EXOG: variants seen among roughly 807,000 people sequenced by gnomAD.
The protein encoded by EXOG is exo/endonuclease G, also known as nuclease EXOG, mitochondrial.
Under a neutral mutation model 25.8 loss-of-function variants are expected in EXOG, and 27 were observed. That is an observed-to-expected ratio of 1.05 (90% CI 0.77 to 1.45). The LOEUF (loss-of-function observed/expected upper bound fraction) is 1.45, where lower values mean the gene tolerates loss of function less well. EXOG is among the 40% of genes most tolerant of loss of function. The pLI is 0.00. For missense variants in EXOG, 458 were observed against 450.5 expected, an observed-to-expected ratio of 1.02 and a Z score of -0.15; for synonymous variants, 133 against 167.0, an observed-to-expected ratio of 0.80 and a Z score of 1.57.
chr3:38,503,865 C>T (rs1314162889), intron 4 of EXOG, among the ~76,000 whole-genome samples, 174 bp downstream of exon 4: 1 of 152,162 alleles, frequency 6.6e-6, no homozygotes, highest in Non-Finnish European at 1.5e-5. Flanking sequence ...CAGCCTTCTA[C>T]AGAAGATCAG....
intron 3 of EXOG, among the ~76,000 whole-genome samples, chr3:38,502,122 C>T (rs1013623586): frequency 3.9e-5 from 6 of 152,028 alleles, no homozygotes; most frequent in African/African-American, 1.2e-4. Context: ...GGTTTCACCA[C>T]GTTGGCCAGG....
chr3:38,496,675 C>T, intron 1 of EXOG, 145 bp downstream of exon 1: 1 of 1,444,260 alleles, frequency 6.9e-7, no homozygotes, highest in Non-Finnish European at 9.1e-7. Flanking sequence ...CCTTTATTCT[C>T]CCGGCTCGGC....
At chr3:38,502,697 C>T (rs964732952) in intron 3 of EXOG, among the ~76,000 whole-genome samples, 1 of 152,088 alleles carries the variant, frequency 6.6e-6, no homozygotes, top group Non-Finnish European at 1.5e-5. Flanking sequence ...TCAGCTTTCC[C>T]ACATGGTCCT....
At position 38,526,104 on chromosome 3, in the gene EXOG, TTGA is replaced by T. The variant is rs1267914567; in HGVS notation, c.*1744_*1746del. 9 of 985,304 alleles carry T rather than the reference TTGA, an allele frequency of 9.1e-6. No homozygotes were observed. Among genetic ancestry groups the T allele is most frequent in the Non-Finnish European group, 1.1e-5 (9 of 829,928 alleles). The allele number at this position is 985,304 out of a possible 1,614,324, so 61.0% of individuals were successfully genotyped here. A position where few individuals can be genotyped will look rare whatever the true frequency, so the allele number is the denominator to read the frequency against. ...TGGCTGTTTTTCTGAGCCAGATCTC[TTGA>T]TTTGGGTTTACACGGAGTCCTTTCA... On this transcript the variant is annotated 3_prime_UTR_variant, in exon 6 of 6. Coordinates refer to ENST00000287675, the MANE Select transcript of EXOG (RefSeq NM_005107.4).
chr3:38,497,591 G>C (rs2059929241), intron 1 of EXOG, 38 bp from the exon 2 acceptor site: 10 of 1,513,142 alleles, frequency 6.6e-6, no homozygotes, highest in Non-Finnish European at 8.7e-6. Context: ...TGTTTTTTTT[G>C]TCTCTGCCCC....
chr3:38,507,310 G>A (rs1159690681), intron 5 of EXOG, among the ~76,000 whole-genome samples: 5 of 152,214 alleles, frequency 3.3e-5, no homozygotes, highest in Non-Finnish European at 7.3e-5. Context: ...TATGAGTCAG[G>A]AACGCTTAAA....
At chr3:38,506,583 T>G (rs574874386) in intron 4 of EXOG, among the ~76,000 whole-genome samples, 4 of 152,346 alleles carry the variant, frequency 2.6e-5, no homozygotes, top group African/African-American at 9.6e-5. Context: ...AGTTTTAAGT[T>G]CATGAAATTT....
At chr3:38,497,844 G>T in intron 2 of EXOG, 66 bp downstream of exon 2, 1 of 1,527,398 alleles carries the variant, frequency 6.5e-7, no homozygotes, top group Non-Finnish European at 8.8e-7. Flanking sequence ...ATTTAAAACA[G>T]GGATGATTAT....
Position 38,525,908 on chromosome 3 carries a change from G to A in EXOG, c.*1546G>A. On this transcript the variant is annotated 3_prime_UTR_variant, in exon 6 of 6. Transcript: ENST00000287675. ...GCGATGGGACATGGTCATGCCACTG[G>A]ACGCCAGCCTGGGCCACAGAGGGAG... 1.1e-6 allele frequency: 1 copy of A among 887,032 alleles called. No individual in the cohort carries two copies. Among genetic ancestry groups the A allele is most frequent in the Non-Finnish European group, 1.4e-6 (1 of 740,316 alleles). 54.9% of individuals were successfully genotyped at this position (887,032 alleles called of 1,614,324 possible).
chr3:38,524,477 A>T lies in EXOG; in HGVS notation c.*115A>T. Reference sequence around the variant, plus strand: ...TTTAAAAAGTTTTTCTCTTTAAGAGATGTGGTCTCGCCGTGTCATCCAGGC... The same window carrying T: ...TTTAAAAAGTTTTTCTCTTTAAGAGTTGTGGTCTCGCCGTGTCATCCAGGC... On this transcript the variant is annotated 3_prime_UTR_variant, in exon 6 of 6. Coordinates refer to ENST00000287675, the MANE Select transcript of EXOG (RefSeq NM_005107.4). 1 of 1,433,410 alleles carries T rather than the reference A, an allele frequency of 7.0e-7. No homozygotes were observed. The highest frequency in any genetic ancestry group is 1.5e-5 in the South Asian group (1 of 65,424). 88.8% of individuals were successfully genotyped at this position (1,433,410 alleles called of 1,614,324 possible). A position where few individuals can be genotyped will look rare whatever the true frequency, so the allele number is the denominator to read the frequency against.
intron 5 of EXOG, chr3:38,523,266 T>G: frequency 7.8e-7 from 1 of 1,288,336 alleles, no homozygotes; most frequent in South Asian, 1.2e-5. Context: ...ACAGCTTTTC[T>G]TGTCTATTAA....
At chr3:38,501,595 A>G in intron 3 of EXOG, 101 bp downstream of exon 3, 1 of 969,832 alleles carries the variant, frequency 1.0e-6, no homozygotes, top group Non-Finnish European at 1.6e-6. Context: ...TTAAAACTTG[A>G]GAATTTCCAT....
intron 2 of EXOG, chr3:38,498,779 G>A (rs1373664581): frequency 2.7e-6 from 1 of 367,934 alleles, no homozygotes; most frequent in African/African-American, 2.1e-5. Context: ...AACTAAAAGA[G>A]TGCCAGTAGA....
chr3:38,497,389 A>G lies in EXOG; in HGVS notation c.164-240A>G, dbSNP rs181178107. 147 of 1,264,542 alleles carry G rather than the reference A, an allele frequency of 1.2e-4. 1 individual carries two copies. In the African/African-American group the frequency reaches 1.8e-3, roughly 16 times the overall value. The allele number at this position is 1,264,542 out of a possible 1,614,324, so 78.3% of individuals were successfully genotyped here. On this transcript the variant is annotated intron_variant, in intron 1 of 5. Transcript: ENST00000287675. The stretch of plus-strand genomic sequence containing the variant: ...CAAGTCTTTATTCAAAAGTTAATGC[A>G]GTAGCTGCATTTTATTCACTGATTA...
intron 2 of EXOG, chr3:38,500,148 AG>A (rs1012999925): frequency 6.4e-6 from 1 of 156,940 alleles, no homozygotes; most frequent in African/African-American, 2.4e-5. Context: ...GAAGATAAAA[AG>A]TTTGTTCCAG....
chr3:38,496,466 C>T lies in EXOG; in HGVS notation c.99C>T (p.Leu33=), dbSNP rs138441261. 3.1e-6 allele frequency: 5 copies of T among 1,613,992 alleles called. No individual in the cohort carries two copies. The highest frequency in any genetic ancestry group is 2.7e-5 in the African/African-American group (2 of 75,058). Residue 33 remains leucine, a synonymous_variant, in exon 1 of 6, where the codon CTC becomes CTT. Transcript: ENST00000287675. ...GAVVGAAGAG[L]AALQFFRSQG... The stretch of plus-strand genomic sequence containing the variant: ...TAGTGGGCGCTGCGGGAGCTGGGCT[C>T]GCGGCCCTGCAGTTCTTCCGGAGTC...
intron 1 of EXOG, 172 bp downstream of exon 1, chr3:38,496,702 G>T: frequency 2.1e-6 from 3 of 1,438,458 alleles, no homozygotes; most frequent in South Asian, 1.5e-5. Flanking sequence ...TCCCCACCTC[G>T]CGTCTCGCCA....
At chr3:38,499,464 A>G (rs1294696103) in intron 2 of EXOG, among the ~76,000 whole-genome samples, 1 of 152,216 alleles carries the variant, frequency 6.6e-6, no homozygotes, top group Admixed American at 6.5e-5. Context: ...TTTTGAGGCA[A>G]TAAAATAGAG....
intron 3 of EXOG, 157 bp downstream of exon 3, chr3:38,501,651 T>C (rs1306780915): frequency 4.6e-6 from 3 of 652,790 alleles, no homozygotes; most frequent in Non-Finnish European, 7.7e-6. Flanking sequence ...TTCAATCACA[T>C]ACCGAGACAT....
Sources: gnomAD v4.1 joint callset for allele counts (sites outside exome capture counted in the v4.1 genomes callset) on GRCh38, gnomAD v4.1.1 for gene constraint, MANE v1.5 for transcripts, NCBI Gene and HGNC (gene_info 2026-07-23, HGNC 2026-07-21) for gene names.